OR3A2: variants seen among roughly 807,000 people sequenced by gnomAD.
OR3A2 encodes the protein olfactory receptor 3A2.
For synonymous variants in OR3A2, 126 were observed against 159.3 expected, an observed-to-expected ratio of 0.79 and a Z score of 1.57; for missense variants, 318 against 392.8, an observed-to-expected ratio of 0.81 and a Z score of 1.61.
chr17:3,377,096 C>A (rs1055363987), intron 2 of OR3A2, among the ~76,000 whole-genome samples: 4 of 152,158 alleles, frequency 2.6e-5, no homozygotes, highest in Admixed American at 6.5e-5. Context: ...GAGTTTGCAG[C>A]GGCAAGCTGC....
In OR3A2 at chr17:3,300,693, T is replaced by C. The variant is rs1042743135; in HGVS notation, c.-84-21540A>G. On this transcript the variant is annotated intron_variant, in intron 3 of 4. Transcript: ENST00000573491. ...ATATTGAGCAACAAAAATTTTTTTCTTTTTTTTTTAAATTATACTTTAAGT... is the reference window on the plus strand; with the variant it reads ...ATATTGAGCAACAAAAATTTTTTTCCTTTTTTTTTAAATTATACTTTAAGT... 3.8e-3 allele frequency among the ~76,000 whole-genome samples: 175 copies of C among 45,678 alleles called. 1 individual carries two copies. Among genetic ancestry groups the C allele is most frequent in the Admixed American group, 7.4e-3 (22 of 2,960 alleles). 30.0% of individuals were successfully genotyped at this position (45,678 alleles called of 152,430 possible). A position where few individuals can be genotyped will look rare whatever the true frequency, so the allele number is the denominator to read the frequency against.
Position 3,345,361 on chromosome 17 carries a change from A to G in OR3A2, c.-178-9235T>C, listed in dbSNP as rs565072080. ...GTTTTTAGGACCTTTTTCTTAAATAATGAAGACAGCCAAAATCATCAGAGA... is the reference window on the plus strand; with the variant it reads ...GTTTTTAGGACCTTTTTCTTAAATAGTGAAGACAGCCAAAATCATCAGAGA... On this transcript the variant is annotated intron_variant, in intron 2 of 4. Coordinates refer to the OR3A2 transcript ENST00000573491. 5.3e-5 allele frequency among the ~76,000 whole-genome samples: 8 copies of G among 152,222 alleles called. No homozygotes were observed. In the East Asian group the frequency reaches 5.8e-4, roughly 11 times the overall value.
chr17:3,291,013 T>C (rs1012270571), intron 3 of OR3A2: 5 of 152,218 alleles, frequency 3.3e-5, no homozygotes, highest in African/African-American at 1.2e-4. Flanking sequence ...GAAACAAGTC[T>C]GTGAGCTGCA....
At position 3,294,921 on chromosome 17, in the gene OR3A2, T is replaced by C. The variant is rs950115782; in HGVS notation, c.-84-15768A>G. Among the ~76,000 whole-genome samples, 9 of 152,164 alleles carry C rather than the reference T, an allele frequency of 5.9e-5. No individual in the cohort carries two copies. In the East Asian group the frequency reaches 1.2e-3, roughly 20 times the overall value. The stretch of plus-strand genomic sequence containing the variant: ...CAAGGAAAGTTACAAACATTAGCCA[T>C]TGTTGAAGAAAGCAGACTTCAGAGT... On this transcript the variant is annotated intron_variant, in intron 3 of 4. Coordinates refer to the OR3A2 transcript ENST00000573491.
intron 3 of OR3A2, among the ~76,000 whole-genome samples, chr17:3,312,825 T>C (rs2049054958): frequency 6.6e-6 from 1 of 152,124 alleles, no homozygotes; most frequent in Non-Finnish European, 1.5e-5. Context: ...GGTTTTACCA[T>C]ATTGGCCAGG....
chr17:3,291,819 T>C (rs200996622), intron 3 of OR3A2: 26 of 1,613,686 alleles, frequency 1.6e-5, no homozygotes, highest in Admixed American at 6.7e-5. Flanking sequence ...ACCTGAACCA[T>C]AGAATATGGC....
chr17:3,379,428 G>C (rs1376058055), intron 2 of OR3A2, among the ~76,000 whole-genome samples: 1 of 152,170 alleles, frequency 6.6e-6, no homozygotes, highest in Non-Finnish European at 1.5e-5. Flanking sequence ...GAGTAACAGA[G>C]AGCGCCAACC....
intron 3 of OR3A2, among the ~76,000 whole-genome samples, chr17:3,320,901 T>C (rs935570306): frequency 1.3e-5 from 2 of 152,110 alleles, no homozygotes; most frequent in East Asian, 3.9e-4. Context: ...AGTAGTTTTT[T>C]CCAATTCTGT....
At chr17:3,355,662 G>T (rs939525951) in intron 2 of OR3A2, among the ~76,000 whole-genome samples, 4 of 150,830 alleles carry the variant, frequency 2.7e-5, no homozygotes, top group Admixed American at 2.6e-4. Context: ...GTTTTCATTG[G>T]CATGGAATCT....
intron 2 of OR3A2, among the ~76,000 whole-genome samples, chr17:3,340,597 T>A (rs1305317987): frequency 6.7e-6 from 1 of 149,988 alleles, no homozygotes; most frequent in Non-Finnish European, 1.5e-5. Context: ...TTTCTTAATC[T>A]TGAATTCTAA....
At chr17:3,357,724 T>G (rs2049475304) in intron 2 of OR3A2, among the ~76,000 whole-genome samples, 2 of 148,616 alleles carry the variant, frequency 1.3e-5, no homozygotes, top group Admixed American at 1.3e-4. Flanking sequence ...TAATTTTTAA[T>G]TTTTTTTATA....
chr17:3,369,566 T>A (rs890350170), intron 2 of OR3A2, among the ~76,000 whole-genome samples: 9 of 152,226 alleles, frequency 5.9e-5, no homozygotes, highest in African/African-American at 2.2e-4. Flanking sequence ...CATCCTTGCA[T>A]CCCTGGTATG....
intron 2 of OR3A2, among the ~76,000 whole-genome samples, chr17:3,371,762 T>A (rs1394652671): frequency 8.8e-6 from 1 of 113,316 alleles, no homozygotes; most frequent in Non-Finnish European, 1.8e-5. Context: ...CACTTCCCAG[T>A]AGGGGCGGCC....
intron 3 of OR3A2, among the ~76,000 whole-genome samples, chr17:3,306,265 C>T (rs1484404915): frequency 2.0e-5 from 3 of 152,188 alleles, no homozygotes; most frequent in African/African-American, 4.8e-5. Flanking sequence ...AATCCTCCTA[C>T]CTTAGCCTCC....
chr17:3,325,663 T>A (rs1323766991), intron 3 of OR3A2, among the ~76,000 whole-genome samples: 1 of 152,120 alleles, frequency 6.6e-6, no homozygotes, highest in Non-Finnish European at 1.5e-5. Flanking sequence ...TTTATTTATT[T>A]TTTCTGATCA....
At chr17:3,287,464 C>G (rs985539243), upstream of OR3A2, among the ~76,000 whole-genome samples, 2 of 152,046 alleles carry the variant, frequency 1.3e-5, no homozygotes, top group South Asian at 2.1e-4. Flanking sequence ...GATTTTCATT[C>G]CTTGAAAACA....
intron 2 of OR3A2, among the ~76,000 whole-genome samples, chr17:3,359,233 C>T (rs1276812313): frequency 6.6e-6 from 1 of 151,574 alleles, no homozygotes; most frequent in Non-Finnish European, 1.5e-5. Flanking sequence ...TCCAGCTTGC[C>T]ACTCTGTGCC....
Position 3,364,235 on chromosome 17 carries a change from GATA to G in OR3A2, c.-179+19566_-179+19568del, listed in dbSNP as rs567117501. ...TGTTTTATTGTATTTTTAATTGACA[GATA>G]ATAATTCTATTTATGGGGTATAATA... On this transcript the variant is annotated intron_variant, in intron 2 of 4. Transcript: ENST00000573491. Among the ~76,000 whole-genome samples the G allele has an allele frequency of 1.5e-3, 228 of 152,248 alleles. 2 individuals are homozygous for G. The highest frequency in any genetic ancestry group is 5.1e-3 in the African/African-American group (212 of 41,554).
chr17:3,303,163 C>A (rs1434707407), intron 3 of OR3A2, among the ~76,000 whole-genome samples: 1 of 152,058 alleles, frequency 6.6e-6, no homozygotes, highest in Non-Finnish European at 1.5e-5. Flanking sequence ...TCACGCCATG[C>A]ATAAAGGTCA....
Sources: gnomAD v4.1 joint callset for allele counts (sites outside exome capture counted in the v4.1 genomes callset) on GRCh38, gnomAD v4.1.1 for gene constraint, MANE v1.5 for transcripts, NCBI Gene and HGNC (gene_info 2026-07-23, HGNC 2026-07-21) for gene names.